KANSL1L: variants seen among roughly 807,000 people sequenced by gnomAD.
KANSL1L encodes the protein KAT8 regulatory NSL complex subunit 1-like protein.
KANSL1L carries 25 observed loss-of-function variants against 108.6 expected under a neutral mutation model. That is an observed-to-expected ratio of 0.23 (90% CI 0.17 to 0.32). The LOEUF (loss-of-function observed/expected upper bound fraction) is 0.32. Among genes scored for constraint, KANSL1L ranks in the 10% least tolerant of loss-of-function variants. The pLI is 1.00. For synonymous variants in KANSL1L, 405 were observed against 395.1 expected (o/e 1.03, Z -0.30); for missense variants, 1,137 against 1,125.7 (o/e 1.01, Z -0.14).
At chr2:210,062,872 T>C (rs899357191) in intron 6 of KANSL1L, among the ~76,000 whole-genome samples, 9 of 152,202 alleles carry the variant, frequency 5.9e-5, no homozygotes, top group African/African-American at 2.2e-4. Context: ...AGAAAAATCC[T>C]ATTTTCTGAG....
intron 5 of KANSL1L, among the ~76,000 whole-genome samples, chr2:210,093,430 G>A (rs1476730867): frequency 6.6e-6 from 1 of 152,142 alleles, no homozygotes; most frequent in Non-Finnish European, 1.5e-5. Context: ...ACAGGCATGA[G>A]GAATCTCAAC....
intron 1 of KANSL1L, among the ~76,000 whole-genome samples, chr2:210,168,680 G>A (rs967013524): frequency 2.8e-4 from 42 of 152,084 alleles, no homozygotes; most frequent in African/African-American, 9.4e-4. Flanking sequence ...TGGGCTATGA[G>A]AAGTTAATTG....
chr2:210,156,571 T>C (rs1009492721), intron 1 of KANSL1L, among the ~76,000 whole-genome samples: 3 of 151,978 alleles, frequency 2.0e-5, no homozygotes, highest in Non-Finnish European at 4.4e-5. Flanking sequence ...AATATATATA[T>C]AGTATAGTAC....
intron 5 of KANSL1L, among the ~76,000 whole-genome samples, chr2:210,084,857 G>A (rs1311574725): frequency 5.9e-5 from 9 of 152,132 alleles, no homozygotes; most frequent in Non-Finnish European, 1.0e-4. Context: ...TGATCCACCC[G>A]CCTCGGCCTC....
chr2:210,131,160 G>A (rs1018600938), intron 2 of KANSL1L, among the ~76,000 whole-genome samples: 2 of 152,134 alleles, frequency 1.3e-5, no homozygotes, highest in Non-Finnish European at 2.9e-5. Context: ...GAATAGCCCA[G>A]ATCACACTGG....
chr2:210,129,339 A>G (rs1369568099), intron 2 of KANSL1L, among the ~76,000 whole-genome samples, 167 bp from the exon 3 acceptor site: 1 of 152,232 alleles, frequency 6.6e-6, no homozygotes, highest in Non-Finnish European at 1.5e-5. Context: ...AGAAAAAGAT[A>G]TAATTTTCCT....
chr2:210,129,019 G>A lies in KANSL1L; in HGVS notation c.1230+12C>T, dbSNP rs1321382283. The A allele has an allele frequency of 1.2e-6, 2 of 1,606,276 alleles. No homozygotes were observed. Among genetic ancestry groups the A allele is most frequent in the Non-Finnish European group, 1.7e-6 (2 of 1,173,838 alleles). On this transcript the variant is annotated intron_variant, in intron 3 of 14. Coordinates refer to ENST00000281772, the MANE Select transcript of KANSL1L (RefSeq NM_152519.4). ...TTTTTAACAAAAGTAGAAGAACACAGACAGACAATACCTTGGAGGCACGAA... is the reference window on the plus strand; with the variant it reads ...TTTTTAACAAAAGTAGAAGAACACAAACAGACAATACCTTGGAGGCACGAA...
chr2:210,115,282 A>T (rs530248002), intron 3 of KANSL1L, among the ~76,000 whole-genome samples: 2 of 152,266 alleles, frequency 1.3e-5, no homozygotes, highest in South Asian at 2.1e-4. Flanking sequence ...ATTTTAAATT[A>T]AAAAAGGTTA....
intron 6 of KANSL1L, among the ~76,000 whole-genome samples, chr2:210,062,577 G>A (rs2094430993): frequency 6.6e-6 from 1 of 152,158 alleles, no homozygotes; most frequent in Admixed American, 6.5e-5. Flanking sequence ...TCATGATATG[G>A]ACAATGAAAT....
intron 6 of KANSL1L, among the ~76,000 whole-genome samples, chr2:210,073,526 A>T (rs116473367): frequency 0.043 from 6,312 of 147,246 alleles, 202 homozygotes; most frequent in Admixed American, 0.065. Context: ...CGAGATGTCT[A>T]AAAAAAAAAA....
At chr2:210,142,301 T>C (rs2095236173) in intron 2 of KANSL1L, among the ~76,000 whole-genome samples, 1 of 152,108 alleles carries the variant, frequency 6.6e-6, no homozygotes, top group South Asian at 2.1e-4. Flanking sequence ...TGTTGCATAA[T>C]AGTCTCTTAT....
At chr2:210,099,239 A>G (rs765465418) in intron 4 of KANSL1L, among the ~76,000 whole-genome samples, 1 of 152,178 alleles carries the variant, frequency 6.6e-6, no homozygotes, top group African/African-American at 2.4e-5. Flanking sequence ...TGGTTTTCCC[A>G]CTTAATATAG....
intron 5 of KANSL1L, among the ~76,000 whole-genome samples, chr2:210,084,872 A>T (rs2125361617): frequency 6.6e-6 from 1 of 152,226 alleles, no homozygotes; most frequent in South Asian, 2.1e-4. Context: ...GGCCTCCCAA[A>T]GTGCTGGGAT....
chr2:210,154,544 G>C lies in KANSL1L; in HGVS notation c.39C>G (p.Ile13Met). 6.4e-7 allele frequency: 1 copy of C among 1,563,262 alleles called. No individual in the cohort carries two copies. The highest frequency in any genetic ancestry group is 8.7e-7 in the Non-Finnish European group (1 of 1,154,120). ...TGGTACTTGGCAAAGATGAAAAGCT[G>C]ATACCCTTTGCTGTTGCCTCCCTCA... Reference protein sequence around the residue: ...PALREATAKGISFSSLPSTME... With the variant: ...PALREATAKGMSFSSLPSTME... Residue 13 changes from isoleucine to methionine, a missense_variant, in exon 2 of 15, where the codon ATC (isoleucine) becomes ATG (methionine). By Grantham distance (10) the Ile-to-Met change is conservative (BLOSUM62 1). Transcript: ENST00000281772.
chr2:210,086,882 C>T (rs1329833401), intron 5 of KANSL1L, among the ~76,000 whole-genome samples: 1 of 151,962 alleles, frequency 6.6e-6, no homozygotes, highest in Non-Finnish European at 1.5e-5. Flanking sequence ...AGAACTGTAA[C>T]ATTTCATTTA....
At chr2:210,161,009 G>A (rs1386530776) in intron 1 of KANSL1L, among the ~76,000 whole-genome samples, 2 of 133,452 alleles carry the variant, frequency 1.5e-5, no homozygotes, top group Non-Finnish European at 3.2e-5. Context: ...TTTTTTTTGA[G>A]ACGGAGTTTC....
intron 5 of KANSL1L, among the ~76,000 whole-genome samples, chr2:210,085,660 T>G (rs1482832161): frequency 6.6e-6 from 1 of 151,990 alleles, no homozygotes; most frequent in Non-Finnish European, 1.5e-5. Context: ...ATTTATACCC[T>G]TCACATCTTT....
rs2095321148 is a variant in KANSL1L at position 210,154,249 on chromosome 2, T to C, written c.334A>G (p.Ile112Val). Reference protein sequence around the residue: ...GEPSCNKLKNILYNGSNIQLS... With the variant: ...GEPSCNKLKNVLYNGSNIQLS... The stretch of plus-strand genomic sequence containing the variant: ...TGAATGTTGCTGCCATTATACAGTA[T>C]GTTTTTCAGCTTATTGCAACTGGGC... The change falls in exon 2 of 15, where the codon ATA (isoleucine) becomes GTA (valine). Residue 112 changes from isoleucine to valine, a missense_variant. Ile to Val is a conservative substitution (Grantham distance 29). Coordinates refer to ENST00000281772, the MANE Select transcript of KANSL1L (RefSeq NM_152519.4). The C allele has an allele frequency of 1.2e-6, 2 of 1,614,122 alleles. No homozygotes were observed. Among genetic ancestry groups the C allele is most frequent in the Admixed American group, 1.7e-5 (1 of 60,016 alleles).
rs769170799 is a variant in KANSL1L at position 210,153,557 on chromosome 2, A to G, written c.1026T>C (p.Asp342=). ...LSHVEEGLDS[D]ATDSSSDDDL... ...CGTCATCAGAGCTGCTATCAGTTGC[A>G]TCGGAATCCAAACCCTCTTCAACAT... Residue 342 remains aspartate (D), a synonymous_variant, in exon 2 of 15, where the codon GAT becomes GAC. Coordinates refer to ENST00000281772, the MANE Select transcript of KANSL1L (RefSeq NM_152519.4). 10 of 1,614,020 alleles carry G rather than the reference A, an allele frequency of 6.2e-6. No homozygotes were observed. The highest frequency in any genetic ancestry group is 4.5e-5 in the East Asian group (2 of 44,872).
Sources: gnomAD v4.1 joint callset for allele counts (sites outside exome capture counted in the v4.1 genomes callset) on GRCh38, gnomAD v4.1.1 for gene constraint, MANE v1.5 for transcripts, NCBI Gene and HGNC (gene_info 2026-07-23, HGNC 2026-07-21) for gene names.